SPACA6: variants seen among roughly 807,000 people sequenced by gnomAD.
SPACA6 encodes sperm acrosome membrane-associated protein 6.
For missense variants in SPACA6, 8 were observed against 2.8 expected, an observed-to-expected ratio of 2.88 and a Z score of -1.34; for synonymous variants, 6 against 1.5, an observed-to-expected ratio of 4.05 and a Z score of -2.21.
chr19:51,690,009 T>C (rs2083355999), upstream of SPACA6, among the ~76,000 whole-genome samples: 1 of 81,186 alleles, frequency 1.2e-5, no homozygotes. Flanking sequence ...GGGTGAGCCG[T>C]GCCAGTGGGA....
At chr19:51,696,223 G>T (rs2083429903) in intron 2 of SPACA6, among the ~76,000 whole-genome samples, 1 of 152,144 alleles carries the variant, frequency 6.6e-6, no homozygotes, top group Non-Finnish European at 1.5e-5. Context: ...GAGTCTGGAG[G>T]CCGGGAGAAG....
chr19:51,709,531 CAAAAA>C (rs56170768), downstream of SPACA6, among the ~76,000 whole-genome samples: 6 of 54,466 alleles, frequency 1.1e-4, no homozygotes, highest in Admixed American at 2.8e-4. Flanking sequence ...AAAAAAAAGG[CAAAAA>C]AAAAAAAAAA....
At chr19:51,707,264 G>T (rs1479599067), downstream of SPACA6, among the ~76,000 whole-genome samples, 3 of 147,044 alleles carry the variant, frequency 2.0e-5, no homozygotes, top group Non-Finnish European at 3.0e-5. Context: ...TTGAGATGGA[G>T]TCCTGGAGTG....
intron 2 of SPACA6, among the ~76,000 whole-genome samples, chr19:51,699,195 G>A (rs918842578): frequency 1.3e-5 from 2 of 152,150 alleles, no homozygotes; most frequent in African/African-American, 4.8e-5. Context: ...TTTGTTTAGA[G>A]ATGGTGTCTG....
chr19:51,705,850 C>T (rs1206788245), downstream of SPACA6, among the ~76,000 whole-genome samples: 1 of 152,142 alleles, frequency 6.6e-6, no homozygotes, highest in Non-Finnish European at 1.5e-5. Context: ...GTGCCCACCA[C>T]CACACCCGGC....
rs1568615095 is a variant in SPACA6 at position 51,693,463 on chromosome 19, TC to T, written c.-59del. 1 of 549,216 alleles carries T rather than the reference TC, an allele frequency of 1.8e-6. No homozygotes were observed. The highest frequency in any genetic ancestry group is 3.5e-6 in the Non-Finnish European group (1 of 288,510). 34.0% of individuals were successfully genotyped at this position (549,216 alleles called of 1,614,324 possible). A position where few individuals can be genotyped will look rare whatever the true frequency, so the allele number is the denominator to read the frequency against. ...CCTCTGACCCCAGACCACTGGCCCT[TC>T]CCCCGCCCTGTGGTGACTTCATAAA... On this transcript the variant is annotated 5_prime_UTR_variant, in exon 1 of 9. Transcript: ENST00000637797.
chr19:51,695,038 G>T (rs1399495259), intron 2 of SPACA6, among the ~76,000 whole-genome samples: 2 of 149,270 alleles, frequency 1.3e-5, no homozygotes, highest in South Asian at 4.2e-4. Flanking sequence ...ACACACACTC[G>T]CACACAGACA....
upstream of SPACA6, among the ~76,000 whole-genome samples, chr19:51,691,049 C>T (rs1173876994): frequency 6.7e-6 from 1 of 148,956 alleles, no homozygotes; most frequent in Non-Finnish European, 1.5e-5. Context: ...CCGGCCCCCG[C>T]CTCCCCCTTT....
chr19:51,683,513 G>A, the SPACA6 span, among the ~76,000 whole-genome samples: 4 of 152,114 alleles, frequency 2.6e-5, no homozygotes, highest in Non-Finnish European at 5.9e-5. Flanking sequence ...TAGGAAGGGA[G>A]GGGTCAATCA....
chr19:51,690,085 G>A (rs545843037), upstream of SPACA6, among the ~76,000 whole-genome samples: 1 of 151,522 alleles, frequency 6.6e-6, no homozygotes, highest in South Asian at 2.1e-4. Flanking sequence ...GGCGGGGGCA[G>A]GAGATGTCTG....
chr19:51,709,322 A>T, downstream of SPACA6, among the ~76,000 whole-genome samples: 1 of 151,850 alleles, frequency 6.6e-6, no homozygotes, highest in African/African-American at 2.4e-5. Context: ...GTTCAAGACC[A>T]GCCTGGCCAA....
intron 2 of SPACA6, among the ~76,000 whole-genome samples, chr19:51,710,674 G>C (rs1325016295): frequency 6.6e-6 from 1 of 152,202 alleles, no homozygotes; most frequent in Non-Finnish European, 1.5e-5. Flanking sequence ...GAAGTATTCA[G>C]AGCCATAACA....
At chr19:51,694,390 A>G in intron 1 of SPACA6, 88 bp from the exon 2 acceptor site, 1 of 397,538 alleles carries the variant, frequency 2.5e-6, no homozygotes, top group Non-Finnish European at 4.4e-6. Context: ...TTGGGAGGGC[A>G]GAGACTCAGA....
Position 51,693,489 on chromosome 19 carries a change from A to T in SPACA6, c.-38A>T. ...CCCCCGCCCTGTGGTGACTTCATAAAGGTTACTAGCTTCTCCCCTGGCCTT... is the reference window on the plus strand; with the variant it reads ...CCCCCGCCCTGTGGTGACTTCATAATGGTTACTAGCTTCTCCCCTGGCCTT... On this transcript the variant is annotated 5_prime_UTR_variant, in exon 1 of 9. In the 5' UTR this introduces an upstream ATG that the reference lacks. Coordinates refer to ENST00000637797, the MANE Select transcript of SPACA6 (RefSeq NM_001316972.2). 1.9e-6 allele frequency: 1 copy of T among 521,298 alleles called. No homozygotes were observed. Among genetic ancestry groups the T allele is most frequent in the South Asian group, 2.8e-5 (1 of 36,026 alleles). 32.3% of individuals were successfully genotyped at this position (521,298 alleles called of 1,614,324 possible). A position where few individuals can be genotyped will look rare whatever the true frequency, so the allele number is the denominator to read the frequency against.
intron 2 of SPACA6, 59 bp from the exon 3 acceptor site, chr19:51,701,599 G>C (rs2083468760): frequency 2.5e-6 from 1 of 398,048 alleles, no homozygotes; most frequent in African/African-American, 2.1e-5. Flanking sequence ...GCAGGACCAA[G>C]GACCAAGCCC....
downstream of SPACA6, among the ~76,000 whole-genome samples, chr19:51,709,994 G>A (rs941308202): frequency 5.3e-5 from 8 of 152,194 alleles, no homozygotes; most frequent in Non-Finnish European, 7.3e-5. Context: ...CACCAGCCAC[G>A]TGTGGCCGTG....
In SPACA6 at chr19:51,703,569, G is replaced by C. The variant is rs1240695135; in HGVS notation, c.573+232G>C. On this transcript the variant is annotated intron_variant, in intron 6 of 8. Transcript: ENST00000637797. The surrounding 1 kb of genome is among the most constrained non-coding windows in gnomAD (Gnocchi z 4.2). ...CCCAGCGCTTTTGGAGACCAAGGCG[G>C]GAGGATGGCTTGAGCCCAGGAGTTT... Among the ~76,000 whole-genome samples, 1 of 152,186 alleles carries C rather than the reference G, an allele frequency of 6.6e-6. No individual in the cohort carries two copies. Among genetic ancestry groups the C allele is most frequent in the Non-Finnish European group, 1.5e-5 (1 of 68,040 alleles).
At chr19:51,705,683 C>T, downstream of SPACA6, among the ~76,000 whole-genome samples, 1 of 144,542 alleles carries the variant, frequency 6.9e-6, no homozygotes, top group East Asian at 2.0e-4. Context: ...TACATACCAG[C>T]AGGACTTGTT....
Position 51,701,653 on chromosome 19 carries a change from T to A in SPACA6, c.293-5T>A, listed in dbSNP as rs906288420. ...ACACAGGCCGTCCTCCCCTCCACTC[T>A]CCAGGATCCTTTGAGGTTGCCTTCC... On this transcript the variant is annotated splice_polypyrimidine_tract_variant and splice_region_variant and intron_variant, in intron 2 of 8. Transcript: ENST00000637797. 1.5e-5 allele frequency: 6 copies of A among 398,824 alleles called. No homozygotes were observed. The highest frequency in any genetic ancestry group is 2.7e-5 in the Non-Finnish European group (6 of 226,058). The allele number at this position is 398,824 out of a possible 1,614,324, so 24.7% of individuals were successfully genotyped here. A position where few individuals can be genotyped will look rare whatever the true frequency, so the allele number is the denominator to read the frequency against.
Sources: gnomAD v4.1 joint callset for allele counts (sites outside exome capture counted in the v4.1 genomes callset) on GRCh38, gnomAD v4.1.1 for gene constraint, Gnocchi (gnomAD v3.1) non-coding constraint, MANE v1.5 for transcripts, NCBI Gene and HGNC (gene_info 2026-07-23, HGNC 2026-07-21) for gene names.